The following ANXA4 variants were observed in gnomAD, a reference collection of about 807,000 sequenced individuals.
The protein encoded by ANXA4 is annexin A4, also known as 35-beta calcimedin.
A neutral mutation model predicts 49.8 loss-of-function variants in ANXA4; 39 were observed. The observed-to-expected ratio is 0.78, with a 90% CI of 0.61 to 1.02. The LOEUF (loss-of-function observed/expected upper bound fraction) is 1.02, where lower values mean the gene tolerates loss of function less well. Among genes scored for constraint, ANXA4 ranks in the 50% least tolerant of loss-of-function variants. ANXA4 has a pLI of 0.00. For missense variants in ANXA4, 360 were observed against 410.1 expected, an observed-to-expected ratio of 0.88 and a Z score of 1.05; for synonymous variants, 134 against 152.5, an observed-to-expected ratio of 0.88 and a Z score of 0.89.
intron 2 of ANXA4, among the ~76,000 whole-genome samples, chr2:69,679,884 C>T (rs530399625): frequency 3.5e-4 from 54 of 152,170 alleles, no homozygotes; most frequent in African/African-American, 1.2e-3. Flanking sequence ...CCAATACCAC[C>T]CTACTTTGAT....
At chr2:69,750,834 CTT>C (rs1202932568) in intron 1 of ANXA4, among the ~76,000 whole-genome samples, 1 of 152,160 alleles carries the variant, frequency 6.6e-6, no homozygotes, top group Non-Finnish European at 1.5e-5. Context: ...GGGCAGGGGC[CTT>C]TGTCAGAGAA....
chr2:69,740,642 C>G (rs1369439874), upstream of ANXA4, among the ~76,000 whole-genome samples: 1 of 116,244 alleles, frequency 8.6e-6, no homozygotes, highest in South Asian at 2.6e-4. Context: ...TTTTTGTTTT[C>G]TTTTCTTTTT....
At chr2:69,774,788 T>C (rs1357214381) in intron 1 of ANXA4, among the ~76,000 whole-genome samples, 1 of 152,140 alleles carries the variant, frequency 6.6e-6, no homozygotes, top group African/African-American at 2.4e-5. Flanking sequence ...CTACTTGGCA[T>C]TTATAAGGGG....
intron 2 of ANXA4, among the ~76,000 whole-genome samples, chr2:69,716,006 C>T (rs1445788217): frequency 1.3e-5 from 2 of 152,182 alleles, no homozygotes; most frequent in Admixed American, 1.3e-4. Flanking sequence ...TAGCCTTTCC[C>T]ATAATTTTAA....
chr2:69,656,632 A>G (rs1163681252), intron 2 of ANXA4, among the ~76,000 whole-genome samples: 1 of 143,320 alleles, frequency 7.0e-6, no homozygotes, highest in Non-Finnish European at 1.5e-5. Context: ...CGCTCACTGC[A>G]ACCTCCACCT....
intron 2 of ANXA4, 146 bp downstream of exon 2, chr2:69,781,720 ACAT>A: frequency 1.1e-6 from 1 of 913,390 alleles, no homozygotes; most frequent in Non-Finnish European, 1.7e-6. Flanking sequence ...CTATTTCTAA[ACAT>A]CATTTAAATT....
At chr2:69,706,292 CTTTTTTTTTTTTTTTTT>C (rs916740716) in intron 2 of ANXA4, among the ~76,000 whole-genome samples, 5 of 59,312 alleles carry the variant, frequency 8.4e-5, no homozygotes, top group East Asian at 1.2e-3. Flanking sequence ...GGTACAATTC[CTTTTTTTTTTTTTTTTT>C]TTTTTTTTTT....
intron 2 of ANXA4, chr2:69,653,397 A>G (rs888076406): frequency 3.9e-5 from 6 of 152,236 alleles, no homozygotes; most frequent in Non-Finnish European, 8.8e-5. Context: ...TGCTAGGACA[A>G]AAATCATTAA....
intron 2 of ANXA4, among the ~76,000 whole-genome samples, chr2:69,702,159 G>GCGC (rs113200949): frequency 0.45 from 68,207 of 150,892 alleles, 15,806 homozygotes; most frequent in East Asian, 0.69. Flanking sequence ...TTACAGGTGT[G>GCGC]CGCCACCACC....
At chr2:69,810,737 G>A in intron 7 of ANXA4, 64 bp downstream of exon 7, 2 of 1,344,152 alleles carry the variant, frequency 1.5e-6, no homozygotes, top group South Asian at 2.4e-5. Context: ...CCCTTTGCCA[G>A]CCTTTCTCAT....
chr2:69,725,307 T>C (rs575437898), intron 3 of ANXA4, among the ~76,000 whole-genome samples: 12 of 150,926 alleles, frequency 8.0e-5, no homozygotes, highest in Non-Finnish European at 1.3e-4. Flanking sequence ...CATTTATATA[T>C]TTAAATGTAT....
intron 1 of ANXA4, among the ~76,000 whole-genome samples, chr2:69,752,690 C>CT (rs759547125): frequency 5.9e-5 from 9 of 152,222 alleles, no homozygotes; most frequent in Non-Finnish European, 1.0e-4. Flanking sequence ...GATGCAGCCC[C>CT]CTCTGGCTAG....
chr2:69,675,010 C>T (rs1198017027), intron 2 of ANXA4, among the ~76,000 whole-genome samples: 2 of 151,488 alleles, frequency 1.3e-5, no homozygotes, highest in Non-Finnish European at 2.9e-5. Context: ...GCAACCTCCA[C>T]CTCCCGGGTT....
At chr2:69,656,623 G>A (rs1200101961) in intron 2 of ANXA4, among the ~76,000 whole-genome samples, 9 of 134,090 alleles carry the variant, frequency 6.7e-5, no homozygotes, top group African/African-American at 2.0e-4. Flanking sequence ...CCTGATTTCC[G>A]CTCACTGCAA....
At chr2:69,670,052 A>C (rs1424080681) in intron 2 of ANXA4, among the ~76,000 whole-genome samples, 2 of 152,200 alleles carry the variant, frequency 1.3e-5, no homozygotes, top group Non-Finnish European at 2.9e-5. Context: ...CACGTGTCTT[A>C]TACACTAGAG....
intron 12 of ANXA4, among the ~76,000 whole-genome samples, chr2:69,824,310 C>T (rs1265831561): frequency 6.6e-6 from 1 of 151,952 alleles, no homozygotes; most frequent in Non-Finnish European, 1.5e-5. Context: ...CAAGACCAGC[C>T]TGGCCAACAT....
chr2:69,730,502 TAAC>T (rs1402811302), intron 3 of ANXA4, among the ~76,000 whole-genome samples: 6 of 152,078 alleles, frequency 3.9e-5, no homozygotes, highest in Non-Finnish European at 2.9e-5. Context: ...AATTCAGTCT[TAAC>T]AACAACAACA....
intron 3 of ANXA4, among the ~76,000 whole-genome samples, chr2:69,794,575 A>AT (rs1553360078): frequency 1.8e-4 from 27 of 148,488 alleles, no homozygotes; most frequent in African/African-American, 6.4e-4. Context: ...ATGTTATGTT[A>AT]TTTTTGAGAC....
intron 2 of ANXA4, among the ~76,000 whole-genome samples, chr2:69,711,955 C>G (rs1309512168): frequency 6.6e-6 from 1 of 151,946 alleles, no homozygotes; most frequent in Admixed American, 6.6e-5. Context: ...AAAAGGAGAG[C>G]AAGAAATTGA....
Sources: allele counts gnomAD v4.1 joint callset (sites outside exome capture counted in the v4.1 genomes callset), GRCh38; gene constraint gnomAD v4.1.1; transcripts MANE v1.5; gene names NCBI Gene and HGNC (gene_info 2026-07-23, HGNC 2026-07-21).